The following ADRA1B variants were observed in gnomAD, a reference collection of about 807,000 sequenced individuals.
ADRA1B encodes the protein alpha-1B adrenergic receptor.
In ADRA1B, 17 loss-of-function variants were observed where a neutral mutation model predicts 17.9. That is an observed-to-expected ratio of 0.95 (90% CI 0.65 to 1.42). ADRA1B has a LOEUF of 1.42. Among genes scored for constraint, ADRA1B ranks in the 40% most tolerant of loss-of-function variants. ADRA1B has a pLI of 0.00. For synonymous variants in ADRA1B, 366 were observed against 327.6 expected (o/e 1.12, Z -1.27); for missense variants, 681 against 722.1 (o/e 0.94, Z 0.65).
rs138099118 is a variant in ADRA1B at position 159,920,615 on chromosome 5, A to G, written c.949+2761A>G. Among the ~76,000 whole-genome samples, 236 of 152,224 alleles carry G rather than the reference A, an allele frequency of 1.6e-3. 2 individuals carry two copies. The highest frequency in any genetic ancestry group is 5.3e-3 in the African/African-American group (221 of 41,532). Reference sequence around the variant, plus strand: ...CTTCTTCCCTGAAAACCTAACAGATAATGTGGGGAATGTGGACTCTAGGAC... The same window carrying G: ...CTTCTTCCCTGAAAACCTAACAGATGATGTGGGGAATGTGGACTCTAGGAC... On this transcript the variant is annotated intron_variant, in intron 1 of 1. Coordinates refer to ENST00000306675, the MANE Select transcript of ADRA1B (RefSeq NM_000679.4).
At chr5:159,928,483 CAGTTT>C (rs1402861119) in intron 1 of ADRA1B, among the ~76,000 whole-genome samples, 1 of 152,132 alleles carries the variant, frequency 6.6e-6, no homozygotes, top group Non-Finnish European at 1.5e-5. Flanking sequence ...ACGAGCAGTT[CAGTTT>C]AAAGTGTTCA....
chr5:159,929,864 T>C (rs988361741), intron 1 of ADRA1B, among the ~76,000 whole-genome samples: 14 of 152,318 alleles, frequency 9.2e-5, no homozygotes, highest in Admixed American at 8.5e-4. Flanking sequence ...CTTTCCAAAA[T>C]AGTCTATTTA....
At chr5:159,964,226 C>T (rs931834921) in intron 1 of ADRA1B, among the ~76,000 whole-genome samples, 6 of 152,142 alleles carry the variant, frequency 3.9e-5, no homozygotes, top group African/African-American at 1.4e-4. Context: ...AAAGTGGTTC[C>T]CTGTTCACTT....
At chr5:159,905,594 C>T (rs1229467719) in intron 1 of ADRA1B, among the ~76,000 whole-genome samples, 2 of 152,212 alleles carry the variant, frequency 1.3e-5, no homozygotes, top group Non-Finnish European at 2.9e-5. Context: ...CAAAAAGAAA[C>T]ACTGCCCTGC....
At chr5:159,880,421 C>T (rs1398002796) in intron 1 of ADRA1B, among the ~76,000 whole-genome samples, 9 of 152,146 alleles carry the variant, frequency 5.9e-5, no homozygotes, top group Admixed American at 5.2e-4. Context: ...ATAAAACAGG[C>T]CTATAGAAGT....
intron 1 of ADRA1B, chr5:159,928,886 C>G (rs916713680): frequency 6.6e-6 from 1 of 152,176 alleles, no homozygotes; most frequent in Non-Finnish European, 1.5e-5. Flanking sequence ...GGAACAGCAA[C>G]AAAAAATTGC....
chr5:159,916,584 G>A lies in ADRA1B; in HGVS notation c.-322G>A, dbSNP rs1196118515. ...ACCCGAGCGAGCTGGGCACCGCCGG[G>A]CGCCCCCGGCCCTGCCGCCCCCTCC... is the stretch of plus-strand genomic sequence containing the variant. On this transcript the variant is annotated 5_prime_UTR_variant, in exon 1 of 2. Transcript: ENST00000306675. 8.0e-5 allele frequency: 17 copies of A among 212,116 alleles called. No individual in the cohort carries two copies. The highest frequency in any genetic ancestry group is 1.8e-5 in the Non-Finnish European group (2 of 108,238). The allele number at this position is 212,116 out of a possible 1,614,324, so 13.1% of individuals were successfully genotyped here. A position where few individuals can be genotyped will look rare whatever the true frequency, so the allele number is the denominator to read the frequency against.
chr5:159,882,474 G>T (rs1048002436), intron 1 of ADRA1B, among the ~76,000 whole-genome samples: 1 of 152,192 alleles, frequency 6.6e-6, no homozygotes, highest in Non-Finnish European at 1.5e-5. Flanking sequence ...ACTTGCCCAC[G>T]ATCAGATAGT....
the ADRA1B span, among the ~76,000 whole-genome samples, chr5:159,984,895 ACT>A: frequency 6.9e-6 from 1 of 145,820 alleles, no homozygotes; most frequent in Non-Finnish European, 1.5e-5. Context: ...AAAGAGCAAA[ACT>A]CTATCTCAAA....
chr5:159,896,519 A>G (rs1027619343), intron 1 of ADRA1B, among the ~76,000 whole-genome samples: 21 of 152,196 alleles, frequency 1.4e-4, no homozygotes. Flanking sequence ...AGTCAAATGA[A>G]AGGTGTGTGC....
chr5:159,909,618 C>G (rs532172833), intron 1 of ADRA1B, among the ~76,000 whole-genome samples: 87 of 152,358 alleles, frequency 5.7e-4, no homozygotes, highest in Admixed American at 2.5e-3. Flanking sequence ...TCTATGCATC[C>G]TCCATTGCAC....
chr5:159,975,571 C>T (rs1002318836), downstream of ADRA1B, among the ~76,000 whole-genome samples: 24 of 152,336 alleles, frequency 1.6e-4, no homozygotes, highest in South Asian at 1.0e-3. Context: ...CTGAGCTGCT[C>T]AGTTCTGATG....
chr5:159,971,199 C>A (rs192063933), intron 1 of ADRA1B, among the ~76,000 whole-genome samples: 3 of 152,300 alleles, frequency 2.0e-5, no homozygotes, highest in African/African-American at 7.2e-5. Context: ...CTGCTACTTT[C>A]CATTGCCCAT....
At chr5:159,982,432 C>T in the ADRA1B span, among the ~76,000 whole-genome samples, 1 of 152,070 alleles carries the variant, frequency 6.6e-6, no homozygotes, top group Non-Finnish European at 1.5e-5. Context: ...TCTCGGGGAC[C>T]TCCAAAACTT....
chr5:159,926,526 A>C (rs965601891), intron 1 of ADRA1B, among the ~76,000 whole-genome samples: 6 of 152,004 alleles, frequency 3.9e-5, no homozygotes, highest in African/African-American at 1.4e-4. Flanking sequence ...CGTGTACCAG[A>C]CTTCTTCTAG....
rs186431199 is a variant in ADRA1B, at chr5:159,931,081, G to A, written c.949+13227G>A. Among the ~76,000 whole-genome samples, 751 of 148,116 alleles carry A rather than the reference G, an allele frequency of 5.1e-3. 7 individuals are homozygous for A. Among genetic ancestry groups the A allele is most frequent in the African/African-American group, 0.018 (710 of 40,462 alleles). On this transcript the variant is annotated intron_variant, in intron 1 of 1. Transcript: ENST00000306675. ...CTCCCGCTCTGTGATTACCAGCCCC[G>A]GAACACTTAGAAATTGCTTTGGCCC...
At chr5:159,971,855 T>TGGGGGGGGGGGG in intron 1 of ADRA1B, 24 bp from the exon 2 acceptor site, 2 of 435,060 alleles carry the variant, frequency 4.6e-6, no homozygotes, top group Non-Finnish European at 7.2e-6. Flanking sequence ...TTTCTGCCCG[T>TGGGGGGGGGGGG]GCCCACCCCC....
At position 159,902,507 on chromosome 5, in the gene ADRA1B, G is replaced by A. The variant is rs1581025097; in HGVS notation, c.-255-13612G>A. ...TTAACCACCATTTAAAAAAAAAAAA[G>A]GAATGTTTGAAATGAGGTGAAGTTG... On this transcript the variant is annotated intron_variant, in intron 1 of 2. Transcript: ENST00000641205. Among the ~76,000 whole-genome samples, 5 of 151,864 alleles carry A rather than the reference G, an allele frequency of 3.3e-5. No individual in the cohort carries two copies. In the South Asian group the frequency reaches 1.0e-3, roughly 32 times the overall value.
intron 1 of ADRA1B, chr5:159,947,871 T>C: frequency 9.1e-6 from 9 of 985,446 alleles, no homozygotes; most frequent in Non-Finnish European, 1.1e-5. Context: ...CACAAAAATT[T>C]AGCTTAACCA....
Sources: allele counts gnomAD v4.1 joint callset (sites outside exome capture counted in the v4.1 genomes callset), GRCh38; gene constraint gnomAD v4.1.1; transcripts MANE v1.5; gene names NCBI Gene and HGNC (gene_info 2026-07-23, HGNC 2026-07-21).